SLMAP: variants seen among roughly 807,000 people sequenced by gnomAD.
SLMAP encodes sarcolemmal membrane-associated protein.
A neutral mutation model predicts 128.8 loss-of-function variants in SLMAP; 44 were observed. The ratio of observed to expected loss-of-function variants is 0.34; its 90% CI spans 0.27 to 0.44. SLMAP has a LOEUF of 0.44. Among genes scored for constraint, SLMAP ranks in the 20% least tolerant of loss-of-function variants. The probability of loss-of-function intolerance (pLI) is 1.00; values close to 1 mark genes in which losing one functional copy is unlikely to be tolerated. For missense variants in SLMAP, 787 were observed against 985.3 expected (o/e 0.80, Z 2.69); for synonymous variants, 327 against 348.8 (o/e 0.94, Z 0.70).
chr3:57,824,795 C>T (rs774882892), intron 2 of SLMAP, among the ~76,000 whole-genome samples: 1 of 152,080 alleles, frequency 6.6e-6, no homozygotes, highest in South Asian at 2.1e-4. Context: ...AAAAGGTGGT[C>T]ATTGGAATTT....
At chr3:57,896,310 A>G in intron 15 of SLMAP, 1 of 1,295,286 alleles carries the variant, frequency 7.7e-7, no homozygotes, top group Non-Finnish European at 9.8e-7. Context: ...GATCCACATT[A>G]TAATTTAATA....
chr3:57,864,206 G>A (rs2095223182), intron 10 of SLMAP, among the ~76,000 whole-genome samples: 2 of 152,104 alleles, frequency 1.3e-5, no homozygotes, highest in South Asian at 2.1e-4. Context: ...TCAGGCGTTC[G>A]AGACCAGCCT....
At chr3:57,913,824 G>A (rs560384923) in intron 21 of SLMAP, among the ~76,000 whole-genome samples, 5 of 152,108 alleles carry the variant, frequency 3.3e-5, no homozygotes, top group Non-Finnish European at 5.9e-5. Context: ...CGGGCATAGT[G>A]ATGTGTGCTT....
At chr3:57,786,422 A>C (rs1005331920) in intron 2 of SLMAP, among the ~76,000 whole-genome samples, 1 of 152,240 alleles carries the variant, frequency 6.6e-6, no homozygotes, top group African/African-American at 2.4e-5. Context: ...TCACGTGGCC[A>C]TGCATAATGC....
At chr3:57,926,709 G>GCTGATCATGT (rs1358955943) in intron 24 of SLMAP, among the ~76,000 whole-genome samples, 1 of 152,154 alleles carries the variant, frequency 6.6e-6, no homozygotes, top group African/African-American at 2.4e-5. Flanking sequence ...GTGATCATGT[G>GCTGATCATGT]GCTTTATTAC....
chr3:57,844,326 G>A (rs779667753), intron 4 of SLMAP, among the ~76,000 whole-genome samples: 11 of 151,950 alleles, frequency 7.2e-5, no homozygotes, highest in Non-Finnish European at 1.5e-4. Flanking sequence ...CCCCGGAGGC[G>A]GAAGTTGCAG....
chr3:57,757,840 G>T lies in SLMAP; in HGVS notation c.189G>T (p.Lys63Asn), dbSNP rs1416069152. 6.2e-7 allele frequency: 1 copy of T among 1,614,126 alleles called. No individual in the cohort carries two copies. The highest frequency in any genetic ancestry group is 8.5e-7 in the Non-Finnish European group (1 of 1,179,990). ...RNHALVWFDH[K>N]TGKFYLQDTK... is the part of the protein sequence containing the mutation. ...ACGCTCTCGTCTGGTTTGATCACAA[G>T]ACGGGCAAGGTAATGTCACCACATT... The change falls in exon 2 of 25, where the codon AAG becomes AAT. Residue 63 changes from lysine (K) to asparagine (N), a missense_variant. This residue lies in a region of SLMAP where 72 missense variants were observed against 141.8 expected (regional missense o/e 0.51). Transcript: ENST00000671191.
chr3:57,843,929 T>A (rs1327694057), intron 4 of SLMAP, among the ~76,000 whole-genome samples: 1 of 151,472 alleles, frequency 6.6e-6, no homozygotes, highest in Admixed American at 6.6e-5. Context: ...TACAGGTGCA[T>A]ACCACCATGC....
At chr3:57,896,190 A>G (rs1263043681) in intron 15 of SLMAP, 3 of 1,032,954 alleles carry the variant, frequency 2.9e-6, no homozygotes, top group Non-Finnish European at 3.5e-6. Context: ...GAATTGTACT[A>G]TATTTGTTGC....
chr3:57,914,771 G>A lies in SLMAP; in HGVS notation c.2138+1496G>A, dbSNP rs186419309. On this transcript the variant is annotated intron_variant, in intron 21 of 24. Coordinates refer to ENST00000671191, the MANE Select transcript of SLMAP (RefSeq NM_001377540.1). ...CTAATTTTGTATTTTTAGTAGAGACGGGGTTTCTCCATGTTGGTTAGGCTG... is the reference window on the plus strand; with the variant it reads ...CTAATTTTGTATTTTTAGTAGAGACAGGGTTTCTCCATGTTGGTTAGGCTG... 2.6e-4 allele frequency among the ~76,000 whole-genome samples: 39 copies of A among 151,932 alleles called. No homozygotes were observed. The South Asian group carries it at 5.6e-3, about 22-fold the overall frequency.
intron 2 of SLMAP, among the ~76,000 whole-genome samples, chr3:57,794,398 T>G (rs2086227008): frequency 6.6e-6 from 1 of 152,208 alleles, no homozygotes; most frequent in Non-Finnish European, 1.5e-5. Flanking sequence ...TTAACACTTA[T>G]AAGCACTTCG....
At chr3:57,820,891 G>A (rs1216227338) in intron 2 of SLMAP, among the ~76,000 whole-genome samples, 2 of 152,106 alleles carry the variant, frequency 1.3e-5, no homozygotes, top group Non-Finnish European at 2.9e-5. Flanking sequence ...CCCCATTAAG[G>A]TCCAGGCCCT....
At chr3:57,800,046 A>G (rs973538081) in intron 2 of SLMAP, 1 of 152,224 alleles carries the variant, frequency 6.6e-6, no homozygotes, top group East Asian at 1.9e-4. Flanking sequence ...TAAAAAAAAT[A>G]AAAATCTACT....
intron 5 of SLMAP, among the ~76,000 whole-genome samples, chr3:57,849,395 A>G (rs1467643290): frequency 6.6e-6 from 1 of 152,176 alleles, no homozygotes; most frequent in Non-Finnish European, 1.5e-5. Flanking sequence ...GCCACTGGAC[A>G]AAGTGTTGTA....
chr3:57,929,014 C>T lies in SLMAP; in HGVS notation c.*1725C>T, dbSNP rs912895790. On this transcript the variant is annotated 3_prime_UTR_variant, in exon 25 of 25. Coordinates refer to ENST00000671191, the MANE Select transcript of SLMAP (RefSeq NM_001377540.1). ...TTATTGCAAATATTGTTCTGAAATG[C>T]TTAACTTCAGAATTACATTTTTTAA... 1.2e-4 allele frequency: 18 copies of T among 152,674 alleles called. No individual in the cohort carries two copies. Among genetic ancestry groups the T allele is most frequent in the African/African-American group, 4.1e-4 (17 of 41,554 alleles). The allele number at this position is 152,674 out of a possible 1,614,324, so 9.5% of individuals were successfully genotyped here. A position where few individuals can be genotyped will look rare whatever the true frequency, so the allele number is the denominator to read the frequency against.
chr3:57,760,489 A>G (rs2078399704), intron 2 of SLMAP, among the ~76,000 whole-genome samples: 1 of 152,202 alleles, frequency 6.6e-6, no homozygotes, highest in African/African-American at 2.4e-5. Context: ...TTGGACAGAT[A>G]GTAGGTTTTA....
chr3:57,799,863 C>T (rs1232295942), intron 2 of SLMAP, among the ~76,000 whole-genome samples: 1 of 152,058 alleles, frequency 6.6e-6, no homozygotes, highest in Admixed American at 6.6e-5. Context: ...TACAGTTGAC[C>T]ATGGATGTTC....
At chr3:57,847,127 C>G (rs2094293423) in intron 4 of SLMAP, 70 bp from the exon 5 acceptor site, 12 of 932,954 alleles carry the variant, frequency 1.3e-5, no homozygotes. Flanking sequence ...GTAAGATATT[C>G]TGGTGCTCTC....
At chr3:57,839,621 TG>T in intron 3 of SLMAP, among the ~76,000 whole-genome samples, 2 of 151,970 alleles carry the variant, frequency 1.3e-5, no homozygotes, top group East Asian at 3.9e-4. Context: ...TGTTTTTTTC[TG>T]GGATGGAGTC....
Sources: gnomAD v4.1 joint callset for allele counts (sites outside exome capture counted in the v4.1 genomes callset) on GRCh38, gnomAD v4.1.1 for gene constraint, gnomAD v4.1.1 regional missense constraint, MANE v1.5 for transcripts, NCBI Gene and HGNC (gene_info 2026-07-23, HGNC 2026-07-21) for gene names.